Variants in HTR6 observed in about 807,000 individuals in gnomAD.
HTR6 encodes 5-hydroxytryptamine receptor 6.
In HTR6, 15 loss-of-function variants were observed where a neutral mutation model predicts 17.4. The ratio of observed to expected loss-of-function variants is 0.86; its 90% CI spans 0.58 to 1.33. The LOEUF (loss-of-function observed/expected upper bound fraction) is 1.33. Ranked by LOEUF, HTR6 falls within the 40% of genes most tolerant of loss-of-function variation. The pLI is 0.00. For missense variants in HTR6, 578 were observed against 616.0 expected, an observed-to-expected ratio of 0.94 and a Z score of 0.65; for synonymous variants, 326 against 295.5, an observed-to-expected ratio of 1.10 and a Z score of -1.06.
Position 19,665,783 on chromosome 1 carries a change from T to C in HTR6, c.30T>C (p.Asn10=). Residue 10 remains asparagine, a synonymous_variant, in exon 1 of 3, where the codon AAT becomes AAC. Transcript: ENST00000289753. The surrounding 1 kb of genome is among the most constrained non-coding windows in gnomAD (Gnocchi z 4.2). ...TCCCAGAGCCGGGCCCAACCGCCAA[T>C]AGCACCCCGGCCTGGGGGGCAGGGC... MVPEPGPTA[N]STPAWGAGPP... 2 of 1,502,358 alleles carry C rather than the reference T, an allele frequency of 1.3e-6. No individual in the cohort carries two copies. Among genetic ancestry groups the C allele is most frequent in the Admixed American group, 2.5e-5 (1 of 40,676 alleles). 93.1% of individuals were successfully genotyped at this position (1,502,358 alleles called of 1,614,324 possible).
Position 19,679,375 on chromosome 1 carries a change from C to T in HTR6, c.*7C>T, listed in dbSNP as rs199696649. The T allele has an allele frequency of 1.2e-5, 19 of 1,571,678 alleles. No homozygotes were observed. The East Asian group carries it at 3.9e-4, about 32-fold the overall frequency. ...TGGCATCCCCACGAACTGACCCGGGCTTGGGGCTGGCCAATGGGGAGCTGG... is the reference window on the plus strand; with the variant it reads ...TGGCATCCCCACGAACTGACCCGGGTTTGGGGCTGGCCAATGGGGAGCTGG... On this transcript the variant is annotated 3_prime_UTR_variant, in exon 3 of 3. Coordinates refer to ENST00000289753, the MANE Select transcript of HTR6 (RefSeq NM_000871.3). The surrounding 1 kb of genome is among the most constrained non-coding windows in gnomAD (Gnocchi z 4.9).
intron 1 of HTR6, among the ~76,000 whole-genome samples, chr1:19,676,771 C>T (rs926666168): frequency 6.6e-6 from 1 of 152,190 alleles, no homozygotes; most frequent in African/African-American, 2.4e-5. Flanking sequence ...TCTGCTCCTG[C>T]CTCCTTCTGA....
rs2095081992 is a variant in HTR6, at chr1:19,666,559, T to G, written c.714+92T>G. 1.1e-6 allele frequency: 1 copy of G among 933,072 alleles called. No individual in the cohort carries two copies. The highest frequency in any genetic ancestry group is 1.7e-5 in the African/African-American group (1 of 60,214). 57.8% of individuals were successfully genotyped at this position (933,072 alleles called of 1,614,324 possible). A position where few individuals can be genotyped will look rare whatever the true frequency, so the allele number is the denominator to read the frequency against. ...CCTGGGCATCCCCACTTAGCACACA[T>G]TTGCTCATGGCCCTGCGTGGCTGTT... On this transcript the variant is annotated intron_variant, in intron 1 of 2. Coordinates refer to ENST00000289753, the MANE Select transcript of HTR6 (RefSeq NM_000871.3). The surrounding 1 kb of genome is among the most constrained non-coding windows in gnomAD (Gnocchi z 4.5).
chr1:19,679,328 C>A lies in HTR6; in HGVS notation c.1283C>A (p.Pro428His), dbSNP rs768364698. Residue 428 changes from proline to histidine, a missense_variant, in exon 3 of 3, where the codon CCC (proline) becomes CAC (histidine). Pro to His is a moderately conservative substitution (Grantham distance 77, BLOSUM62 -2). Transcript: ENST00000289753. This position sits in a 1 kb window ranked among gnomAD's most constrained non-coding sequence, Gnocchi z 4.9. ...TTCTTCAACATCGACCCCGCGGAGC[C>A]CGAGCTGCGGCCGCATCCACTTGGC... is the stretch of plus-strand genomic sequence containing the variant. ...VNFFNIDPAE[P>H]ELRPHPLGIP... 2.5e-6 allele frequency: 4 copies of A among 1,602,140 alleles called. No individual in the cohort carries two copies. In the South Asian group the frequency reaches 4.4e-5, roughly 18 times the overall value.
chr1:19,678,934 A>G lies in HTR6; in HGVS notation c.889A>G (p.Ile297Val). ...ANIVQAVCDCISPGLFDVLTW... is the reference protein window; with the variant it reads ...ANIVQAVCDCVSPGLFDVLTW... ...CTCCCCCCAGGCCGTGTGCGACTGCATCTCCCCAGGCCTCTTCGATGTCCT... is the reference window on the plus strand; with the variant it reads ...CTCCCCCCAGGCCGTGTGCGACTGCGTCTCCCCAGGCCTCTTCGATGTCCT... Residue 297 changes from isoleucine (I) to valine (V), a missense_variant, in exon 3 of 3, where the codon ATC becomes GTC. Ile to Val is a conservative substitution (Grantham distance 29, BLOSUM62 3). Coordinates refer to ENST00000289753, the MANE Select transcript of HTR6 (RefSeq NM_000871.3). 6.2e-7 allele frequency: 1 copy of G among 1,603,834 alleles called. No individual in the cohort carries two copies. Among genetic ancestry groups the G allele is most frequent in the South Asian group, 1.1e-5 (1 of 90,616 alleles).
In HTR6 at chr1:19,680,671, C is replaced by T. The variant is rs181005679; in HGVS notation, c.*1303C>T. ...TGTTCCTGGTGTGAGGTGGGGCCCA[C>T]GAGGCAGGCAGGTGGACTCTGGCAC... On this transcript the variant is annotated 3_prime_UTR_variant, in exon 3 of 3. Coordinates refer to ENST00000289753, the MANE Select transcript of HTR6 (RefSeq NM_000871.3). Among the ~76,000 whole-genome samples, 25 of 152,074 alleles carry T rather than the reference C, an allele frequency of 1.6e-4. No homozygotes were observed. The highest frequency in any genetic ancestry group is 5.1e-4 in the African/African-American group (21 of 41,468).
chr1:19,674,884 C>A (rs985651996), intron 1 of HTR6, among the ~76,000 whole-genome samples: 4 of 152,172 alleles, frequency 2.6e-5, no homozygotes, highest in Non-Finnish European at 5.9e-5. Context: ...CAGGAAGCTG[C>A]CCTCTGACAC....
At position 19,678,714 on chromosome 1, in the gene HTR6, A is replaced by T. The variant is rs759495828; in HGVS notation, c.862A>T (p.Asn288Tyr). Reference sequence around the variant, plus strand: ...GACCTGGTTGCCCTTCTTTGTGGCCAACATAGTCCAGGTAATGCCACGGCA... The same window carrying T: ...GACCTGGTTGCCCTTCTTTGTGGCCTACATAGTCCAGGTAATGCCACGGCA... ...FVTWLPFFVA[N>Y]IVQAVCDCIS... The change falls in exon 2 of 3, where the codon AAC (asparagine) becomes TAC (tyrosine). Residue 288 changes from asparagine (N) to tyrosine (Y), a missense_variant. Physicochemically the swap from Asn to Tyr is moderately radical, Grantham distance 143. Transcript: ENST00000289753. The T allele has an allele frequency of 2.5e-6, 4 of 1,610,136 alleles. No individual in the cohort carries two copies. Among genetic ancestry groups the T allele is most frequent in the Non-Finnish European group, 2.5e-6 (3 of 1,176,846 alleles).
Position 19,673,972 on chromosome 1 carries a change from A to C in HTR6, c.715-4595A>C, listed in dbSNP as rs966959741. Among the ~76,000 whole-genome samples the C allele has an allele frequency of 3.3e-4, 50 of 149,534 alleles. 1 individual carries two copies. The highest frequency in any genetic ancestry group is 1.2e-3 in the African/African-American group (49 of 40,482). ...GCCTTGACCTCTTCTGACTCAGGTG[A>C]TCCTCCCACGTCAACCTCCGGAGTA... On this transcript the variant is annotated intron_variant, in intron 1 of 2. Transcript: ENST00000289753.
chr1:19,669,612 C>A (rs1179145244), intron 1 of HTR6, among the ~76,000 whole-genome samples: 1 of 152,154 alleles, frequency 6.6e-6, no homozygotes, highest in African/African-American at 2.4e-5. Flanking sequence ...GCCTTCTGGT[C>A]TTCTCTGTTG....
In HTR6 at chr1:19,680,215, C is replaced by T. The variant is rs1211214929; in HGVS notation, c.*847C>T. 1.3e-5 allele frequency among the ~76,000 whole-genome samples: 2 copies of T among 152,198 alleles called. No homozygotes were observed. Among genetic ancestry groups the T allele is most frequent in the Non-Finnish European group, 2.9e-5 (2 of 68,036 alleles). ...CCAGTACACGGTCAGTTAATTGGTACGTTCTGTTGTTACGACCCCCGGCTA... is the reference window on the plus strand; with the variant it reads ...CCAGTACACGGTCAGTTAATTGGTATGTTCTGTTGTTACGACCCCCGGCTA... On this transcript the variant is annotated 3_prime_UTR_variant, in exon 3 of 3. Coordinates refer to ENST00000289753, the MANE Select transcript of HTR6 (RefSeq NM_000871.3).
intron 1 of HTR6, among the ~76,000 whole-genome samples, chr1:19,677,897 G>A (rs1199752129): frequency 2.0e-5 from 3 of 152,246 alleles, no homozygotes; most frequent in Non-Finnish European, 2.9e-5. Context: ...CTGCCACCAC[G>A]CCTGGCTAAT....
chr1:19,679,113 T>G lies in HTR6; in HGVS notation c.1068T>G (p.Ser356=). The G allele has an allele frequency of 6.2e-7, 1 of 1,612,614 alleles. No homozygotes were observed. The highest frequency in any genetic ancestry group is 1.7e-4 in the Middle Eastern group (1 of 6,058). The change falls in exon 3 of 3, where the codon TCT becomes TCG. Residue 356 remains serine, a synonymous_variant. Coordinates refer to ENST00000289753, the MANE Select transcript of HTR6 (RefSeq NM_000871.3). This position sits in a 1 kb window ranked among gnomAD's most constrained non-coding sequence, Gnocchi z 4.9. ...TGGCCTCGCCATCACTGCGCACCTC[T>G]CACAGCGGCCCCCGGCCCGGCCTTA... ...ASLASPSLRT[S]HSGPRPGLSL... is the part of the protein sequence containing the mutation.
intron 1 of HTR6, among the ~76,000 whole-genome samples, chr1:19,676,282 G>A (rs1317859919): frequency 6.6e-6 from 1 of 152,130 alleles, no homozygotes; most frequent in Non-Finnish European, 1.5e-5. Context: ...TGGAAACAGA[G>A]GCTCTCTCAA....
chr1:19,669,760 C>T (rs1318951641), intron 1 of HTR6, among the ~76,000 whole-genome samples: 1 of 152,190 alleles, frequency 6.6e-6, no homozygotes, highest in Non-Finnish European at 1.5e-5. Flanking sequence ...TGATGACTTC[C>T]TACCTGGGCT....
chr1:19,674,007 A>G (rs557433081), intron 1 of HTR6, among the ~76,000 whole-genome samples: 1 of 152,104 alleles, frequency 6.6e-6, no homozygotes, highest in African/African-American at 2.4e-5. Context: ...AGCTGGGGCT[A>G]CAGACGCACA....
chr1:19,676,335 G>A (rs2095094450), intron 1 of HTR6, among the ~76,000 whole-genome samples: 1 of 152,144 alleles, frequency 6.6e-6, no homozygotes, highest in Non-Finnish European at 1.5e-5. Context: ...TTGATTTGAA[G>A]CCAGATCACC....
chr1:19,674,202 T>C (rs1322601557), intron 1 of HTR6, among the ~76,000 whole-genome samples: 1 of 152,158 alleles, frequency 6.6e-6, no homozygotes, highest in Non-Finnish European at 1.5e-5. Context: ...TATGTATTTA[T>C]ACAGGTACTT....
chr1:19,671,076 G>A (rs1039244259), intron 1 of HTR6, among the ~76,000 whole-genome samples: 3 of 152,156 alleles, frequency 2.0e-5, no homozygotes, highest in African/African-American at 7.2e-5. Flanking sequence ...CTTGAAATCT[G>A]TTCTAGTTAG....
Sources: gnomAD v4.1 joint callset for allele counts (sites outside exome capture counted in the v4.1 genomes callset) on GRCh38, gnomAD v4.1.1 for gene constraint, Gnocchi (gnomAD v3.1) non-coding constraint, MANE v1.5 for transcripts, NCBI Gene and HGNC (gene_info 2026-07-23, HGNC 2026-07-21) for gene names.